WASF3: variants seen among roughly 807,000 people sequenced by gnomAD.
The protein encoded by WASF3 is WASP family member 3.
A neutral mutation model predicts 46.6 loss-of-function variants in WASF3; 11 were observed. The observed-to-expected ratio is 0.24, with a 90% CI of 0.15 to 0.39. The LOEUF is 0.39. Among genes scored for constraint, WASF3 ranks in the 10% least tolerant of loss-of-function variants. The pLI, the probability that WASF3 is intolerant of heterozygous loss-of-function variation, is 1.00. For missense variants in WASF3, 576 were observed against 669.8 expected (o/e 0.86, Z 1.55); for synonymous variants, 242 against 259.7 (o/e 0.93, Z 0.65).
At chr13:26,568,972 A>G (rs1879553621) in intron 1 of WASF3, among the ~76,000 whole-genome samples, 1 of 152,214 alleles carries the variant, frequency 6.6e-6, no homozygotes, top group African/African-American at 2.4e-5. Context: ...GATGTCTGTA[A>G]AAATGATTTT....
At chr13:26,667,769 G>C (rs1320815589) in intron 5 of WASF3, 99 bp downstream of exon 5, 9 of 1,165,590 alleles carry the variant, frequency 7.7e-6, no homozygotes, top group Non-Finnish European at 9.5e-6. Flanking sequence ...GTCCTTGATG[G>C]TTCATCTGGG....
chr13:26,680,350 G>A lies in WASF3; in HGVS notation c.717-704G>A, dbSNP rs545544687. The A allele has an allele frequency of 3.1e-5, 29 of 941,034 alleles. No homozygotes were observed. The African/African-American group carries it at 4.8e-4, about 15-fold the overall frequency. 58.3% of individuals were successfully genotyped at this position (941,034 alleles called of 1,614,324 possible). The stretch of plus-strand genomic sequence containing the variant: ...CTTACTAACGCCCACGGCACTGCCG[G>A]GCTGCCACACTTGGGTCCTTCCTCT... On this transcript the variant is annotated intron_variant, in intron 7 of 9. Coordinates refer to ENST00000335327, the MANE Select transcript of WASF3 (RefSeq NM_006646.6).
chr13:26,625,793 G>A lies in WASF3; in HGVS notation c.-11+12735G>A, dbSNP rs76102167. On this transcript the variant is annotated intron_variant, in intron 2 of 9. Coordinates refer to ENST00000335327, the MANE Select transcript of WASF3 (RefSeq NM_006646.6). ...ACCATTACATTATTCTAAAGTTACA[G>A]TGTTCTCACACTATGCATGAAGTTG... 5.4e-3 allele frequency among the ~76,000 whole-genome samples: 819 copies of A among 152,252 alleles called. 11 individuals are homozygous for A. Among genetic ancestry groups the A allele is most frequent in the African/African-American group, 0.019 (782 of 41,548 alleles).
intron 1 of WASF3, among the ~76,000 whole-genome samples, chr13:26,585,846 G>A (rs1880113307): frequency 1.3e-5 from 2 of 152,166 alleles, no homozygotes; most frequent in Admixed American, 1.3e-4. Flanking sequence ...GCCTTGCTGT[G>A]TGGCTGACAG....
chr13:26,568,418 G>A (rs908532373), intron 1 of WASF3, among the ~76,000 whole-genome samples: 1 of 152,122 alleles, frequency 6.6e-6, no homozygotes, highest in African/African-American at 2.4e-5. Flanking sequence ...AGAAGCAAAG[G>A]TGCCCTGGGA....
intron 6 of WASF3, among the ~76,000 whole-genome samples, chr13:26,675,723 A>G (rs9551305): frequency 0.27 from 39,854 of 150,208 alleles, 5,866 homozygotes; most frequent in East Asian, 0.57. Flanking sequence ...GCATAGCACT[A>G]GAAGTTCATG....
At chr13:26,565,121 A>T (rs1168862352) in intron 1 of WASF3, among the ~76,000 whole-genome samples, 1 of 149,610 alleles carries the variant, frequency 6.7e-6, no homozygotes, top group African/African-American at 2.5e-5. Context: ...TGGTGGCTGC[A>T]GTGAGGTGAG....
intron 1 of WASF3, among the ~76,000 whole-genome samples, chr13:26,610,887 C>T (rs532581154): frequency 2.6e-5 from 4 of 152,254 alleles, no homozygotes; most frequent in East Asian, 1.9e-4. Flanking sequence ...AATGAGGCTA[C>T]GTATTCACAA....
chr13:26,617,093 G>T lies in WASF3; in HGVS notation c.-11+4035G>T, dbSNP rs532663782. Among the ~76,000 whole-genome samples, 23 of 151,920 alleles carry T rather than the reference G, an allele frequency of 1.5e-4. No homozygotes were observed. The South Asian group carries it at 4.6e-3, about 30-fold the overall frequency. On this transcript the variant is annotated intron_variant, in intron 2 of 9. Transcript: ENST00000335327. ...TAGCTTTTTTTCTTACAACTTTTCC[G>T]TGTTTTCTTTTTTAAATATGCATTC...
chr13:26,650,296 G>T (rs1882276881), intron 3 of WASF3, among the ~76,000 whole-genome samples: 1 of 152,126 alleles, frequency 6.6e-6, no homozygotes, highest in African/African-American at 2.4e-5. Flanking sequence ...TCATAGGACT[G>T]TATAACACTC....
At chr13:26,677,196 C>T (rs1256294566) in intron 7 of WASF3, among the ~76,000 whole-genome samples, 1 of 152,168 alleles carries the variant, frequency 6.6e-6, no homozygotes, top group Non-Finnish European at 1.5e-5. Context: ...AGATTTACTT[C>T]TTATTTCAGA....
chr13:26,585,808 AC>A (rs956848831), intron 1 of WASF3, among the ~76,000 whole-genome samples: 9 of 151,716 alleles, frequency 5.9e-5, no homozygotes, highest in Non-Finnish European at 1.2e-4. Flanking sequence ...TAAACTATAA[AC>A]CCCCCAAATG....
At chr13:26,629,175 T>C (rs1881574169) in intron 2 of WASF3, among the ~76,000 whole-genome samples, 1 of 152,222 alleles carries the variant, frequency 6.6e-6, no homozygotes, top group Non-Finnish European at 1.5e-5. Flanking sequence ...GACTTATCGA[T>C]GATGCAGGCT....
At chr13:26,594,745 C>G (rs625016) in intron 1 of WASF3, among the ~76,000 whole-genome samples, 2,076 of 152,270 alleles carry the variant, frequency 0.014, 55 homozygotes, top group African/African-American at 0.047. Context: ...CCTAGTCCTT[C>G]CCTAGTCTGC....
chr13:26,599,418 C>A (rs1880581268), intron 1 of WASF3, among the ~76,000 whole-genome samples: 2 of 152,096 alleles, frequency 1.3e-5, no homozygotes, highest in South Asian at 4.1e-4. Flanking sequence ...CTCCTGGTGT[C>A]AGGCTGCTGC....
chr13:26,667,217 T>C (rs1882800127), intron 4 of WASF3, among the ~76,000 whole-genome samples: 1 of 152,206 alleles, frequency 6.6e-6, no homozygotes, highest in African/African-American at 2.4e-5. Flanking sequence ...TTCATAACTA[T>C]ATTCCTATGT....
intron 1 of WASF3, among the ~76,000 whole-genome samples, chr13:26,565,914 T>A (rs1324209947): frequency 6.6e-6 from 1 of 152,210 alleles, no homozygotes; most frequent in Non-Finnish European, 1.5e-5. Context: ...TTCTGACATG[T>A]CCAGTTCCCA....
intron 1 of WASF3, among the ~76,000 whole-genome samples, chr13:26,559,215 G>A (rs569535930): frequency 6.8e-4 from 103 of 152,224 alleles, no homozygotes; most frequent in Admixed American, 1.2e-3. Context: ...TCTTCATCTT[G>A]AAAGATTTTC....
chr13:26,650,103 C>G (rs1291807692), intron 3 of WASF3, among the ~76,000 whole-genome samples: 1 of 152,150 alleles, frequency 6.6e-6, no homozygotes, highest in Admixed American at 6.5e-5. Flanking sequence ...CTCTTTTTAA[C>G]ATGCCTGCCC....
Sources: gnomAD v4.1 joint callset for allele counts (sites outside exome capture counted in the v4.1 genomes callset) on GRCh38, gnomAD v4.1.1 for gene constraint, MANE v1.5 for transcripts, NCBI Gene and HGNC (gene_info 2026-07-23, HGNC 2026-07-21) for gene names.